Variants in HDAC9 observed in about 807,000 individuals in gnomAD.
HDAC9 encodes histone deacetylase 9, also known as MEF-2 interacting transcription repressor (MITR) protein.
Under a neutral mutation model 139.4 loss-of-function variants are expected in HDAC9, and 41 were observed. The observed-to-expected ratio is 0.29, with a 90% CI of 0.23 to 0.38. The LOEUF is 0.38. Ranked by LOEUF, HDAC9 falls within the 10% of genes least tolerant of loss-of-function variation. The pLI is 1.00. For missense variants in HDAC9, 1,147 were observed against 1,297.0 expected (o/e 0.88, Z 1.78); for synonymous variants, 517 against 476.2 (o/e 1.09, Z -1.12).
intron 2 of HDAC9, among the ~76,000 whole-genome samples, chr7:18,512,725 A>G (rs1404802417): frequency 2.0e-5 from 3 of 152,226 alleles, no homozygotes; most frequent in Non-Finnish European, 2.9e-5. Context: ...AATTTCTTCT[A>G]TACATTATAT....
At chr7:18,520,179 A>G (rs1804579111) in intron 2 of HDAC9, among the ~76,000 whole-genome samples, 2 of 152,148 alleles carry the variant, frequency 1.3e-5, no homozygotes, top group Admixed American at 6.6e-5. Flanking sequence ...TACTTCAGGA[A>G]TAAGATTAAT....
intron 13 of HDAC9, among the ~76,000 whole-genome samples, chr7:18,742,458 C>T (rs1022835576): frequency 2.0e-5 from 3 of 152,186 alleles, no homozygotes; most frequent in East Asian, 1.9e-4. Flanking sequence ...AATGATTCCA[C>T]ACTTCATAGG....
chr7:18,564,057 G>C lies in HDAC9; in HGVS notation c.23-21224G>C, dbSNP rs546861099. Among the ~76,000 whole-genome samples the C allele has an allele frequency of 1.3e-4, 20 of 152,028 alleles. No individual in the cohort carries two copies. The South Asian group carries it at 4.2e-3, about 32-fold the overall frequency. ...TCACCATGTTGGCCAGGATGGTCTC[G>C]AGCTCCTGACCTCATGATCCGCCCG... On this transcript the variant is annotated intron_variant, in intron 2 of 25. Transcript: ENST00000686413.
intron 21 of HDAC9, among the ~76,000 whole-genome samples, chr7:18,870,198 T>G (rs1798809961): frequency 6.6e-6 from 1 of 152,164 alleles, no homozygotes; most frequent in African/African-American, 2.4e-5. Flanking sequence ...AGATTTTATA[T>G]GGCACTGCAA....
chr7:18,990,166 T>C (rs552051144), intron 25 of HDAC9, among the ~76,000 whole-genome samples: 4 of 152,318 alleles, frequency 2.6e-5, no homozygotes, highest in African/African-American at 9.6e-5. Flanking sequence ...TGCTCTGTTT[T>C]TTCCCCATCT....
At chr7:18,491,404 T>C (rs1423851995), upstream of HDAC9, among the ~76,000 whole-genome samples, 1 of 151,790 alleles carries the variant, frequency 6.6e-6, no homozygotes, top group African/African-American at 2.4e-5. Flanking sequence ...AAGAAATAGG[T>C]CAAAAATGGA....
intron 2 of HDAC9, among the ~76,000 whole-genome samples, chr7:18,548,196 G>A (rs931555391): frequency 5.3e-5 from 8 of 151,944 alleles, no homozygotes; most frequent in Admixed American, 5.3e-4. Context: ...CAGTGAAGTC[G>A]GAACACCACA....
intron 22 of HDAC9, among the ~76,000 whole-genome samples, chr7:18,935,545 C>T (rs1781571942): frequency 6.6e-6 from 1 of 152,080 alleles, no homozygotes; most frequent in South Asian, 2.1e-4. Flanking sequence ...TGAAAAGCAG[C>T]CCTGTGCACT....
chr7:18,791,728 A>C (rs1792329161), intron 16 of HDAC9, among the ~76,000 whole-genome samples: 1 of 152,212 alleles, frequency 6.6e-6, no homozygotes, highest in African/African-American at 2.4e-5. Flanking sequence ...GGTCTTCAGA[A>C]CAGCCTTTCT....
chr7:18,790,938 C>T (rs116763399), intron 16 of HDAC9, among the ~76,000 whole-genome samples: 281 of 152,228 alleles, frequency 1.8e-3, no homozygotes, highest in African/African-American at 6.5e-3. Flanking sequence ...ACAGTAGGTA[C>T]TCAATGAATG....
In HDAC9 at chr7:18,578,226, G is replaced by A. The variant is rs1436640965; in HGVS notation, c.23-7055G>A. On this transcript the variant is annotated intron_variant, in intron 2 of 25. Coordinates refer to ENST00000686413, the MANE Select transcript of HDAC9 (RefSeq NM_178425.4). ...TGGGCTTTGGCTGGGCTTCTTCTGA[G>A]CAGTAGTGCAGCCCTAATTCATTCT... is the stretch of plus-strand genomic sequence containing the variant. 8 of 518,946 alleles carry A rather than the reference G, an allele frequency of 1.5e-5. No individual in the cohort carries two copies. In the Admixed American group the frequency reaches 1.6e-4, roughly 10 times the overall value. 32.1% of individuals were successfully genotyped at this position (518,946 alleles called of 1,614,324 possible). A position where few individuals can be genotyped will look rare whatever the true frequency, so the allele number is the denominator to read the frequency against.
At chr7:18,601,691 G>A (rs1833991645) in intron 6 of HDAC9, among the ~76,000 whole-genome samples, 1 of 152,038 alleles carries the variant, frequency 6.6e-6, no homozygotes, top group African/African-American at 2.4e-5. Flanking sequence ...TTAATGTTGG[G>A]TTTTGTCAAG....
At chr7:18,785,804 C>G (rs917724157) in intron 16 of HDAC9, among the ~76,000 whole-genome samples, 1 of 151,864 alleles carries the variant, frequency 6.6e-6, no homozygotes, top group South Asian at 2.1e-4. Context: ...CTTTTTCTAC[C>G]TTCTCTAATT....
chr7:18,445,328 A>G (rs1021634641), intron 1 of HDAC9, among the ~76,000 whole-genome samples: 1 of 152,178 alleles, frequency 6.6e-6, no homozygotes, highest in Non-Finnish European at 1.5e-5. Flanking sequence ...ATAGTTTTCT[A>G]CTATAGGCTA....
chr7:18,261,588 T>A (rs1458336022), intron 2 of HDAC9, among the ~76,000 whole-genome samples: 1 of 152,232 alleles, frequency 6.6e-6, no homozygotes, highest in Non-Finnish European at 1.5e-5. Flanking sequence ...AAAGTAAGGT[T>A]TACTTTCTAG....
At chr7:18,257,423 A>G (rs1584880970) in intron 2 of HDAC9, among the ~76,000 whole-genome samples, 1 of 151,010 alleles carries the variant, frequency 6.6e-6, no homozygotes, top group Non-Finnish European at 1.5e-5. Flanking sequence ...ACACACACAC[A>G]CACACACACA....
chr7:18,925,753 A>G (rs951251601), intron 22 of HDAC9, among the ~76,000 whole-genome samples: 5 of 151,672 alleles, frequency 3.3e-5, no homozygotes, highest in African/African-American at 9.7e-5. Flanking sequence ...TTCCCCACAC[A>G]TCTCTCACTC....
chr7:18,367,999 C>G (rs1468586224), intron 1 of HDAC9, among the ~76,000 whole-genome samples: 2 of 151,984 alleles, frequency 1.3e-5, no homozygotes, highest in Non-Finnish European at 2.9e-5. Context: ...CTTGCTTTGT[C>G]TACTTTCTTT....
chr7:18,930,228 A>C (rs575505034), intron 22 of HDAC9, among the ~76,000 whole-genome samples: 1 of 152,122 alleles, frequency 6.6e-6, no homozygotes, highest in East Asian at 1.9e-4. Flanking sequence ...GTATAGGAAC[A>C]CGTTTTCCAC....
Sources: gnomAD v4.1 joint callset for allele counts (sites outside exome capture counted in the v4.1 genomes callset) on GRCh38, gnomAD v4.1.1 for gene constraint, MANE v1.5 for transcripts, NCBI Gene and HGNC (gene_info 2026-07-23, HGNC 2026-07-21) for gene names.